The following PPARGC1A variants were observed in gnomAD, a reference collection of about 807,000 sequenced individuals.
PPARGC1A encodes PPARG coactivator 1 alpha, also known as peroxisome proliferator-activated receptor gamma coactivator 1-alpha.
Under a neutral mutation model 88.7 loss-of-function variants are expected in PPARGC1A, and 25 were observed. The ratio of observed to expected loss-of-function variants is 0.28; its 90% confidence interval spans 0.21 to 0.39. PPARGC1A has a LOEUF of 0.39. PPARGC1A is among the 10% of genes least tolerant of loss of function. The pLI is 1.00. For missense variants in PPARGC1A, 880 were observed against 968.7 expected (o/e 0.91, Z 1.22); for synonymous variants, 363 against 355.6 (o/e 1.02, Z -0.24).
At chr4:23,946,351 C>T in the PPARGC1A span, among the ~76,000 whole-genome samples, 844 of 152,194 alleles carry the variant, frequency 5.5e-3, 14 homozygotes, top group Middle Eastern at 6.8e-3. Flanking sequence ...AATGAAAGCA[C>T]AAGAAAGAAA....
the PPARGC1A span, among the ~76,000 whole-genome samples, chr4:24,247,474 T>G: frequency 6.6e-6 from 1 of 152,232 alleles, no homozygotes; most frequent in Non-Finnish European, 1.5e-5. Flanking sequence ...CTATTCCAGC[T>G]TATCATCATT....
the PPARGC1A span, among the ~76,000 whole-genome samples, chr4:23,991,623 T>C: frequency 2.6e-5 from 4 of 152,024 alleles, no homozygotes; most frequent in Non-Finnish European, 5.9e-5. Context: ...CATCTCAGCT[T>C]ATCTCCCCAA....
the PPARGC1A span, among the ~76,000 whole-genome samples, chr4:24,263,573 C>G: frequency 6.6e-6 from 1 of 151,930 alleles, no homozygotes; most frequent in East Asian, 1.9e-4. Flanking sequence ...CAAGTGTGCC[C>G]GTCTCTCCTG....
chr4:24,339,094 C>G, the PPARGC1A span, among the ~76,000 whole-genome samples: 1 of 151,824 alleles, frequency 6.6e-6, no homozygotes, highest in Non-Finnish European at 1.5e-5. Context: ...TTTCTGTCCG[C>G]ATGAATTTGA....
chr4:24,233,807 G>A, the PPARGC1A span, among the ~76,000 whole-genome samples: 17 of 152,146 alleles, frequency 1.1e-4, no homozygotes, highest in African/African-American at 3.6e-4. Context: ...AAAAGTTAAA[G>A]CGCTTACAAG....
the PPARGC1A span, among the ~76,000 whole-genome samples, chr4:24,296,957 G>A: frequency 1.3e-5 from 2 of 151,962 alleles, no homozygotes; most frequent in African/African-American, 2.4e-5. Flanking sequence ...AATGGACGAT[G>A]TGCAGAGGAC....
chr4:23,956,461 C>T, the PPARGC1A span, among the ~76,000 whole-genome samples: 1 of 152,194 alleles, frequency 6.6e-6, no homozygotes, highest in Non-Finnish European at 1.5e-5. Flanking sequence ...GAGTTAATGA[C>T]TCACAGAGTC....
chr4:23,889,267 C>T (rs1388814101), intron 1 of PPARGC1A: 1 of 985,400 alleles, frequency 1.0e-6, no homozygotes, highest in South Asian at 4.7e-5. Context: ...CCGACGCGAA[C>T]GGAAAACCTT....
chr4:24,468,554 G>C, the PPARGC1A span, among the ~76,000 whole-genome samples: 10 of 152,262 alleles, frequency 6.6e-5, no homozygotes, highest in African/African-American at 2.2e-4. Flanking sequence ...AACAGATGTA[G>C]TTTCGGCTCT....
At chr4:24,235,782 G>A in the PPARGC1A span, among the ~76,000 whole-genome samples, 7 of 152,268 alleles carry the variant, frequency 4.6e-5, no homozygotes, top group South Asian at 2.1e-4. Flanking sequence ...AAATGAGACT[G>A]GGGGCAAAGG....
At chr4:24,015,739 T>C in the PPARGC1A span, among the ~76,000 whole-genome samples, 1 of 152,284 alleles carries the variant, frequency 6.6e-6, no homozygotes, top group East Asian at 1.9e-4. Flanking sequence ...TTAAGTTGCA[T>C]CTTACAGACA....
the PPARGC1A span, among the ~76,000 whole-genome samples, chr4:24,145,552 A>C: frequency 1.3e-5 from 2 of 152,222 alleles, no homozygotes; most frequent in Non-Finnish European, 2.9e-5. Flanking sequence ...CTTTGTGACC[A>C]GAATGGCAGA....
At chr4:24,002,487 T>C in the PPARGC1A span, among the ~76,000 whole-genome samples, 12 of 152,096 alleles carry the variant, frequency 7.9e-5, no homozygotes, top group Non-Finnish European at 1.6e-4. Flanking sequence ...GGAACAGGAA[T>C]TACTAATCTC....
the PPARGC1A span, among the ~76,000 whole-genome samples, chr4:24,222,026 G>C: frequency 7.0e-6 from 1 of 143,612 alleles, no homozygotes; most frequent in Non-Finnish European, 1.6e-5. Context: ...ATAACACACT[G>C]GGGGGAAGGT....
the PPARGC1A span, among the ~76,000 whole-genome samples, chr4:24,470,390 G>T: frequency 1.3e-5 from 2 of 151,994 alleles, no homozygotes; most frequent in Admixed American, 1.3e-4. The surrounding 1 kb of genome is among the most constrained non-coding windows in gnomAD (Gnocchi z 5.8). Flanking sequence ...GAGCCGGAGT[G>T]GTCGTTGGCT....
At chr4:23,862,720 T>C in intron 2 of PPARGC1A, among the ~76,000 whole-genome samples, 1 of 152,236 alleles carries the variant, frequency 6.6e-6, no homozygotes, top group East Asian at 1.9e-4. Context: ...GCTACTGTAG[T>C]ATTATTATTA....
chr4:24,249,200 A>C, the PPARGC1A span, among the ~76,000 whole-genome samples: 1 of 152,164 alleles, frequency 6.6e-6, no homozygotes. Flanking sequence ...ATCCCAGTGG[A>C]AACTTCCCAG....
At chr4:24,436,755 A>G in the PPARGC1A span, among the ~76,000 whole-genome samples, 1 of 139,918 alleles carries the variant, frequency 7.1e-6, no homozygotes, top group Non-Finnish European at 1.5e-5. Context: ...CACAGAGCTG[A>G]CATCGATTGG....
intron 2 of PPARGC1A, among the ~76,000 whole-genome samples, chr4:23,841,995 C>G (rs1431236114): frequency 2.6e-5 from 4 of 152,050 alleles, no homozygotes; most frequent in Admixed American, 2.6e-4. Flanking sequence ...GATATTAAAC[C>G]AGATATATCT....
Sources: gnomAD v4.1 joint callset for allele counts (sites outside exome capture counted in the v4.1 genomes callset) on GRCh38, gnomAD v4.1.1 for gene constraint, Gnocchi (gnomAD v3.1) non-coding constraint, MANE v1.5 for transcripts, NCBI Gene and HGNC (gene_info 2026-07-23, HGNC 2026-07-21) for gene names.